SV2C: variants seen among roughly 807,000 people sequenced by gnomAD.
SV2C encodes synaptic vesicle glycoprotein 2C, also known as solute carrier family 22 member B3.
In SV2C, 49 loss-of-function variants were observed where a neutral mutation model predicts 79.7. The observed-to-expected ratio is 0.61, with a 90% confidence interval of 0.49 to 0.78. The LOEUF (loss-of-function observed/expected upper bound fraction) is 0.78, where lower values mean the gene tolerates loss of function less well. Ranked by LOEUF, SV2C falls within the 30% of genes least tolerant of loss-of-function variation. SV2C has a pLI of 0.00. For synonymous variants in SV2C, 334 were observed against 333.2 expected (o/e 1.00, Z -0.03); for missense variants, 833 against 912.9 (o/e 0.91, Z 1.13).
the SV2C span, among the ~76,000 whole-genome samples, chr5:76,023,472 G>A: frequency 3.9e-5 from 6 of 152,010 alleles, no homozygotes; most frequent in African/African-American, 1.5e-4. Flanking sequence ...CGTCTTATAG[G>A]ACTTTTATGT....
intron 12 of SV2C, among the ~76,000 whole-genome samples, chr5:76,341,169 G>T (rs984878747): frequency 1.3e-5 from 2 of 152,042 alleles, no homozygotes; most frequent in African/African-American, 2.4e-5. Flanking sequence ...GACCTCAGGT[G>T]ATCCACCCAC....
At chr5:76,099,309 T>C (rs1191673732) in intron 1 of SV2C, among the ~76,000 whole-genome samples, 1 of 151,962 alleles carries the variant, frequency 6.6e-6, no homozygotes, top group African/African-American at 2.4e-5. Context: ...CCTAGTGATG[T>C]TTTTGAAATA....
intron 12 of SV2C, among the ~76,000 whole-genome samples, chr5:76,343,235 T>A (rs868438946): frequency 8.5e-5 from 13 of 152,120 alleles, no homozygotes; most frequent in African/African-American, 3.1e-4. Context: ...TTAGTAGTCA[T>A]CAGAAGATCA....
chr5:76,285,580 T>A, intron 5 of SV2C: 1 of 606,392 alleles, frequency 1.6e-6, no homozygotes, highest in Non-Finnish European at 2.8e-6. Context: ...CTGGAGATAC[T>A]ATTTCTAGTT....
intron 4 of SV2C, among the ~76,000 whole-genome samples, chr5:76,247,532 T>G (rs1210718980): frequency 2.0e-5 from 3 of 152,242 alleles, no homozygotes; most frequent in African/African-American, 7.2e-5. Context: ...TTATTTATTA[T>G]CTGTGTGTTC....
intron 2 of SV2C, among the ~76,000 whole-genome samples, chr5:76,173,062 A>T (rs1478788742): frequency 9.6e-6 from 1 of 104,702 alleles, no homozygotes; most frequent in Non-Finnish European, 2.0e-5. Context: ...AAATTAAAAA[A>T]AAATACAAAA....
intron 1 of SV2C, among the ~76,000 whole-genome samples, chr5:76,121,843 G>A (rs897193042): frequency 1.3e-5 from 2 of 151,648 alleles, no homozygotes; most frequent in African/African-American, 4.9e-5. Context: ...GATTGACTTG[G>A]CGATGCAGGC....
chr5:75,871,186 T>C, the SV2C span, among the ~76,000 whole-genome samples: 1 of 152,312 alleles, frequency 6.6e-6, no homozygotes, highest in East Asian at 1.9e-4. Context: ...TTTCATATAA[T>C]TCAATGCCTA....
chr5:76,146,856 C>T (rs369035569), intron 2 of SV2C, among the ~76,000 whole-genome samples: 1 of 69,866 alleles, frequency 1.4e-5, no homozygotes, highest in African/African-American at 5.5e-5. Flanking sequence ...GGAAAATAAA[C>T]AAAAAAAAAG....
At chr5:76,087,779 C>G (rs1747248226) in intron 1 of SV2C, among the ~76,000 whole-genome samples, 1 of 152,104 alleles carries the variant, frequency 6.6e-6, no homozygotes, top group Admixed American at 6.6e-5. Flanking sequence ...TTAATATTTA[C>G]CAAGTATCTG....
At chr5:75,911,167 G>A in the SV2C span, 1 of 1,592,354 alleles carries the variant, frequency 6.3e-7, no homozygotes, top group Non-Finnish European at 8.6e-7. Flanking sequence ...AAGCTCCTCT[G>A]AGGAAGAAGA....
chr5:76,235,405 C>A (rs1745581224), intron 4 of SV2C, among the ~76,000 whole-genome samples: 1 of 152,160 alleles, frequency 6.6e-6, no homozygotes, highest in East Asian at 1.9e-4. Flanking sequence ...GCCAGCAAAG[C>A]TTTCTTTATC....
chr5:75,996,583 C>G, the SV2C span, among the ~76,000 whole-genome samples: 1 of 152,090 alleles, frequency 6.6e-6, no homozygotes, highest in Non-Finnish European at 1.5e-5. Context: ...GCAGTATGGC[C>G]ATTTTCACGA....
chr5:75,973,547 CA>C, the SV2C span, among the ~76,000 whole-genome samples: 1 of 151,018 alleles, frequency 6.6e-6, no homozygotes, highest in African/African-American at 2.4e-5. Context: ...ATGTGTTTTC[CA>C]GGAGGGTCAG....
intron 2 of SV2C, among the ~76,000 whole-genome samples, chr5:76,145,609 A>T (rs1397303903): frequency 6.6e-6 from 1 of 152,210 alleles, no homozygotes; most frequent in Non-Finnish European, 1.5e-5. Context: ...GCCTGCCCTT[A>T]ACCCAGTTAA....
chr5:76,003,100 C>T, the SV2C span, among the ~76,000 whole-genome samples: 33 of 152,102 alleles, frequency 2.2e-4, no homozygotes, highest in African/African-American at 6.0e-4. Flanking sequence ...CCCTTTTGCT[C>T]GGCACTTCTC....
At chr5:75,921,165 A>G in the SV2C span, 8 of 916,272 alleles carry the variant, frequency 8.7e-6, no homozygotes, top group Middle Eastern at 6.0e-4. Flanking sequence ...AAGTTGTTGG[A>G]GATGTACTCC....
the SV2C span, among the ~76,000 whole-genome samples, chr5:75,868,562 A>G: frequency 6.6e-6 from 1 of 152,246 alleles, no homozygotes; most frequent in Non-Finnish European, 1.5e-5. Context: ...CTCCTGGAAG[A>G]CAGCAAGTGC....
chr5:75,973,499 AAAAAAGAAAAAAAAG>A, the SV2C span, among the ~76,000 whole-genome samples: 7 of 148,810 alleles, frequency 4.7e-5, no homozygotes, highest in Admixed American at 2.0e-4. Context: ...CCTCAAAAGA[AAAAAAGAAAAAAAAG>A]AAAAAGAAAA....
Sources: allele counts gnomAD v4.1 joint callset (sites outside exome capture counted in the v4.1 genomes callset), GRCh38; gene constraint gnomAD v4.1.1; transcripts MANE v1.5; gene names NCBI Gene and HGNC (gene_info 2026-07-23, HGNC 2026-07-21).